SF3B2: variants seen among roughly 807,000 people sequenced by gnomAD.
SF3B2 encodes splicing factor 3b subunit 2, also known as SAP 145.
In SF3B2, 22 loss-of-function variants were observed where a neutral mutation model predicts 116.3. That is an observed-to-expected ratio of 0.19 (90% CI 0.14 to 0.27). The LOEUF is 0.27. Among genes scored for constraint, SF3B2 ranks in the 10% least tolerant of loss-of-function variants. The probability of loss-of-function intolerance (pLI) is 1.00; values close to 1 mark genes in which losing one functional copy is unlikely to be tolerated. For missense variants in SF3B2, 767 were observed against 1,151.4 expected (o/e 0.67, Z 4.83); for synonymous variants, 406 against 421.6 (o/e 0.96, Z 0.45).
At chr11:66,054,854 T>G (rs1466817428) in intron 3 of SF3B2, among the ~76,000 whole-genome samples, 1 of 152,206 alleles carries the variant, frequency 6.6e-6, no homozygotes, top group Non-Finnish European at 1.5e-5. Flanking sequence ...GAATCTATAT[T>G]CAGGATATCT....
intron 19 of SF3B2, chr11:66,065,723 T>C (rs1246476514): frequency 6.6e-6 from 1 of 152,200 alleles, no homozygotes; most frequent in African/African-American, 2.4e-5. Flanking sequence ...AGTTTACTAT[T>C]ATTTTCTTCT....
intron 1 of SF3B2, 34 bp from the exon 2 acceptor site, chr11:66,052,639 G>T: frequency 6.3e-7 from 1 of 1,598,030 alleles, no homozygotes. Flanking sequence ...GGCCGGGCTG[G>T]CCTGCCCCAT....
chr11:66,057,522 G>T (rs1180314165), intron 7 of SF3B2, 147 bp downstream of exon 7: 3 of 624,030 alleles, frequency 4.8e-6, no homozygotes, highest in South Asian at 3.9e-5. Context: ...TAAACTAAGG[G>T]TATGGCAGAG....
At chr11:66,064,670 C>T (rs1264996232) in intron 19 of SF3B2, 1 of 152,048 alleles carries the variant, frequency 6.6e-6, no homozygotes, top group Non-Finnish European at 1.5e-5. Context: ...GAAGGGCTTC[C>T]TTTAACATTT....
intron 5 of SF3B2, 82 bp from the exon 6 acceptor site, chr11:66,056,756 C>T (rs1857002553): frequency 9.6e-7 from 1 of 1,040,322 alleles, no homozygotes; most frequent in Non-Finnish European, 1.5e-6. Flanking sequence ...GGGCCCATTA[C>T]CCGGCTGAAA....
At chr11:66,057,903 C>T (rs984840511) in intron 7 of SF3B2, 151 bp from the exon 8 acceptor site, 14 of 575,300 alleles carry the variant, frequency 2.4e-5, no homozygotes, top group East Asian at 1.0e-4. Context: ...ACCTGGGAGG[C>T]GGAGGTTGTG....
intron 5 of SF3B2, among the ~76,000 whole-genome samples, chr11:66,056,524 A>G (rs542029319): frequency 1.3e-5 from 2 of 152,252 alleles, no homozygotes; most frequent in South Asian, 4.1e-4. Flanking sequence ...CTTCTGTATA[A>G]TTTAATCTTT....
chr11:66,060,585 G>C lies in SF3B2; in HGVS notation c.1633G>C (p.Glu545Gln). ...EMREALQEKE[E>Q]QKTMKSKMRE... ...TGTTTGCTGCCATTCTCCACAGGAAGAACAGAAGACCATGAAGTCAAAAAT... is the reference window on the plus strand; with the variant it reads ...TGTTTGCTGCCATTCTCCACAGGAACAACAGAAGACCATGAAGTCAAAAAT... Residue 545 changes from glutamate (E) to glutamine (Q), a missense_variant, in exon 14 of 22, where the codon GAA becomes CAA. Coordinates refer to ENST00000322535, the MANE Select transcript of SF3B2 (RefSeq NM_006842.3). 3 of 1,614,162 alleles carry C rather than the reference G, an allele frequency of 1.9e-6. No individual in the cohort carries two copies. Among genetic ancestry groups the C allele is most frequent in the Non-Finnish European group, 2.5e-6 (3 of 1,180,014 alleles).
chr11:66,060,030 AGACC>A, intron 13 of SF3B2, 21 bp downstream of exon 13: 1 of 1,607,838 alleles, frequency 6.2e-7, no homozygotes, highest in Non-Finnish European at 8.5e-7. Context: ...GGCAGGGCTC[AGACC>A]TGCCCCCGGG....
chr11:66,068,294 C>T lies in SF3B2; in HGVS notation c.2577C>T (p.Asp859=), dbSNP rs1857222264. ...AGCAGGCTCAAGTAGAGAAGGAGGACTTCAGTGACATGGTGGCTGAGCACG... is the reference window on the plus strand; with the variant it reads ...AGCAGGCTCAAGTAGAGAAGGAGGATTTCAGTGACATGGTGGCTGAGCACG... ...REQQAQVEKE[D]FSDMVAEHAA... is the part of the protein sequence containing the mutation. The change falls in exon 21 of 22, where the codon GAC becomes GAT. Residue 859 remains aspartate, a synonymous_variant. Transcript: ENST00000322535. 6.2e-7 allele frequency: 1 copy of T among 1,613,680 alleles called. No homozygotes were observed. Among genetic ancestry groups the T allele is most frequent in the South Asian group, 1.1e-5 (1 of 91,058 alleles).
chr11:66,059,725 G>C lies in SF3B2; in HGVS notation c.1402-57G>C. ...GGTTTGGGTCCTTTGAGGAAGAAGA[G>C]CTTCAGAACTGAGAAGTCGGGGCTC... On this transcript the variant is annotated intron_variant, in intron 12 of 21. Transcript: ENST00000322535. The surrounding 1 kb of genome is among the most constrained non-coding windows in gnomAD (Gnocchi z 5.0). 5.6e-6 allele frequency: 9 copies of C among 1,603,748 alleles called. No individual in the cohort carries two copies. The highest frequency in any genetic ancestry group is 1.7e-4 in the Middle Eastern group (1 of 6,042).
rs189167520 is a variant in SF3B2 at position 66,059,105 on chromosome 11, G to T, written c.1182+60G>T. 1.2e-6 allele frequency: 2 copies of T among 1,608,520 alleles called. No homozygotes were observed. Among genetic ancestry groups the T allele is most frequent in the African/African-American group, 2.7e-5 (2 of 74,816 alleles). On this transcript the variant is annotated intron_variant, in intron 10 of 21. Transcript: ENST00000322535. This position sits in a 1 kb window ranked among gnomAD's most constrained non-coding sequence, Gnocchi z 5.0. ...AAACAGGGAAGGGGCTCAGAGGTGG[G>T]TGAGAGGCAGCGGTGAACAGGCATC...
In SF3B2 at chr11:66,058,764, T is replaced by C. The variant is rs1413758244; in HGVS notation, c.967-66T>C. 6 of 1,355,108 alleles carry C rather than the reference T, an allele frequency of 4.4e-6. No homozygotes were observed. The Admixed American group carries it at 8.1e-5, about 18-fold the overall frequency. The allele number at this position is 1,355,108 out of a possible 1,614,324, so 83.9% of individuals were successfully genotyped here. A position where few individuals can be genotyped will look rare whatever the true frequency, so the allele number is the denominator to read the frequency against. ...TGTGGGGGAGAATGGGGGAGGAGTT[T>C]AGGGGTTGGGGTGCTGGCACAGTGC... On this transcript the variant is annotated intron_variant, in intron 9 of 21. Transcript: ENST00000322535.
In SF3B2 at chr11:66,059,196, C is replaced by T. The variant is rs982143684; in HGVS notation, c.1183-5C>T. ...GCAGGGGTTTCACCTTGTCTGCCTC[C>T]TTAGCTCACTGATGATGTGAAGAAG... is the stretch of plus-strand genomic sequence containing the variant. On this transcript the variant is annotated splice_polypyrimidine_tract_variant and splice_region_variant and intron_variant, in intron 10 of 21. Transcript: ENST00000322535. The surrounding 1 kb of genome is among the most constrained non-coding windows in gnomAD (Gnocchi z 5.0). 6 of 1,614,054 alleles carry T rather than the reference C, an allele frequency of 3.7e-6. No individual in the cohort carries two copies. The highest frequency in any genetic ancestry group is 5.1e-6 in the Non-Finnish European group (6 of 1,180,026).
intron 5 of SF3B2, among the ~76,000 whole-genome samples, chr11:66,056,399 CA>C (rs34575917): frequency 0.043 from 2,224 of 52,130 alleles, 4 homozygotes; most frequent in Non-Finnish European, 0.052. Context: ...GACTCTGTCT[CA>C]AAAAAAAAAA....
Position 66,059,126 on chromosome 11 carries a change from G to T in SF3B2, c.1183-75G>T. The T allele has an allele frequency of 6.2e-7, 1 of 1,609,714 alleles. No homozygotes were observed. The highest frequency in any genetic ancestry group is 8.5e-7 in the Non-Finnish European group (1 of 1,177,032). The stretch of plus-strand genomic sequence containing the variant: ...GTGGGTGAGAGGCAGCGGTGAACAG[G>T]CATCTTTTAGTGCTGGCCTTAGGAA... On this transcript the variant is annotated intron_variant, in intron 10 of 21. Transcript: ENST00000322535. The surrounding 1 kb of genome is among the most constrained non-coding windows in gnomAD (Gnocchi z 5.0).
Position 66,059,018 on chromosome 11 carries a change from C to G in SF3B2, c.1155C>G (p.Phe385Leu), listed in dbSNP as rs1440327260. The G allele has an allele frequency of 1.2e-6, 2 of 1,613,942 alleles. No homozygotes were observed. The highest frequency in any genetic ancestry group is 1.3e-5 in the African/African-American group (1 of 74,892). Residue 385 changes from phenylalanine (F) to leucine (L), a missense_variant, in exon 10 of 22, where the codon TTC (phenylalanine) becomes TTG (leucine). This residue lies in a region of SF3B2 where 455 missense variants were observed against 537.5 expected (regional missense o/e 0.85). Transcript: ENST00000322535. This position sits in a 1 kb window ranked among gnomAD's most constrained non-coding sequence, Gnocchi z 5.0. ...AAATTTACGAGCCCAACTTTATCTT[C>G]TTTAAGAGGATCTTTGAGGCTTTTA... ...EPEIYEPNFI[F>L]FKRIFEAFKL... is the part of the protein sequence containing the mutation.
At chr11:66,066,799 C>G (rs937146866) in intron 19 of SF3B2, 1 of 152,860 alleles carries the variant, frequency 6.5e-6, no homozygotes, top group Non-Finnish European at 1.5e-5. Flanking sequence ...CTGCTTAGTA[C>G]TCCCCTGCAT....
At chr11:66,054,927 T>C in intron 3 of SF3B2, 149 bp from the exon 4 acceptor site, 1 of 698,658 alleles carries the variant, frequency 1.4e-6, no homozygotes, top group Middle Eastern at 2.7e-4. Flanking sequence ...CATATCTTTA[T>C]AGAGCTGTGG....
Sources: allele counts gnomAD v4.1 joint callset (sites outside exome capture counted in the v4.1 genomes callset), GRCh38; gene constraint gnomAD v4.1.1; regional missense constraint gnomAD v4.1.1; non-coding constraint Gnocchi (gnomAD v3.1); transcripts MANE v1.5; gene names NCBI Gene and HGNC (gene_info 2026-07-23, HGNC 2026-07-21).